ROBO2: variants seen among roughly 807,000 people sequenced by gnomAD.
ROBO2 encodes the protein roundabout guidance receptor 2.
Under a neutral mutation model 160.8 loss-of-function variants are expected in ROBO2, and 53 were observed. That is an observed-to-expected ratio of 0.33 (90% CI 0.26 to 0.41). The LOEUF is 0.41. Among genes scored for constraint, ROBO2 ranks in the 10% least tolerant of loss-of-function variants. The pLI, the probability that ROBO2 is intolerant of heterozygous loss-of-function variation, is 1.00. For synonymous variants in ROBO2, 664 were observed against 611.7 expected (o/e 1.09, Z -1.26); for missense variants, 1,577 against 1,722.4 (o/e 0.92, Z 1.49).
intron 2 of ROBO2, among the ~76,000 whole-genome samples, chr3:76,055,001 T>G (rs1174522622): frequency 6.6e-6 from 1 of 152,158 alleles, no homozygotes; most frequent in East Asian, 1.9e-4. Context: ...TACCCGAGAC[T>G]GGGTCATTTA....
intron 2 of ROBO2, among the ~76,000 whole-genome samples, chr3:76,338,436 G>A (rs1180983582): frequency 2.0e-5 from 3 of 152,070 alleles, no homozygotes; most frequent in Non-Finnish European, 2.9e-5. Context: ...CAGCATTTAG[G>A]GAGGTCAAGG....
At chr3:76,915,671 C>CAAAAAAAAAAAAAA (rs372827394) in intron 2 of ROBO2, among the ~76,000 whole-genome samples, 1 of 96,522 alleles carries the variant, frequency 1.0e-5, no homozygotes, top group Non-Finnish European at 2.1e-5. Flanking sequence ...CTCTCGCTCT[C>CAAAAAAAAAAAAAA]AAAAAAAAAA....
rs1207558402 is a variant in ROBO2 at position 77,337,044 on chromosome 3, A to G, written c.389-140370A>G. Among the ~76,000 whole-genome samples, 6 of 152,306 alleles carry G rather than the reference A, an allele frequency of 3.9e-5. No homozygotes were observed. The East Asian group carries it at 1.2e-3, about 29-fold the overall frequency. Reference sequence around the variant, plus strand: ...GAAAGAAGGAAAAACCATCTACAAGAGATGAAGTTTCATTGCAATTTTTAT... The same window carrying G: ...GAAAGAAGGAAAAACCATCTACAAGGGATGAAGTTTCATTGCAATTTTTAT... On this transcript the variant is annotated intron_variant, in intron 2 of 25. Coordinates refer to ENST00000461745, the Ensembl canonical transcript of ROBO2.
chr3:76,462,403 CAT>C (rs1365169965), intron 2 of ROBO2, among the ~76,000 whole-genome samples: 2 of 152,060 alleles, frequency 1.3e-5, no homozygotes, highest in East Asian at 1.9e-4. Context: ...CACACACACA[CAT>C]ACATGCAGGT....
chr3:76,182,191 A>C (rs551815374), intron 2 of ROBO2, among the ~76,000 whole-genome samples: 5 of 152,264 alleles, frequency 3.3e-5, no homozygotes, highest in African/African-American at 1.2e-4. Flanking sequence ...TCTGTAGTTC[A>C]TAACCAGTTT....
chr3:76,877,578 C>T (rs1453646125), intron 2 of ROBO2, among the ~76,000 whole-genome samples: 1 of 152,098 alleles, frequency 6.6e-6, no homozygotes, highest in Non-Finnish European at 1.5e-5. Context: ...TTGGTTTTGA[C>T]CACTCTGTTC....
At chr3:75,951,907 A>G (rs1948551898) in intron 2 of ROBO2, among the ~76,000 whole-genome samples, 2 of 151,992 alleles carry the variant, frequency 1.3e-5, no homozygotes, top group Non-Finnish European at 2.9e-5. Context: ...TATTGAAACA[A>G]TCTCTGTTTT....
chr3:76,487,876 C>A (rs2107470403), intron 2 of ROBO2, among the ~76,000 whole-genome samples: 1 of 152,334 alleles, frequency 6.6e-6, no homozygotes, highest in Non-Finnish European at 1.5e-5. Flanking sequence ...CCTTTCACAA[C>A]CTGGTAGCTC....
chr3:76,980,795 C>T (rs2060058808), intron 2 of ROBO2, among the ~76,000 whole-genome samples: 1 of 152,020 alleles, frequency 6.6e-6, no homozygotes, highest in Non-Finnish European at 1.5e-5. Flanking sequence ...CAATTGTAGA[C>T]CATTTTTATT....
chr3:76,949,490 T>C (rs1250169874), intron 2 of ROBO2, among the ~76,000 whole-genome samples: 2 of 152,074 alleles, frequency 1.3e-5, no homozygotes, highest in African/African-American at 2.4e-5. Context: ...TTTAAAAATA[T>C]GCAGAATTCA....
intron 2 of ROBO2, among the ~76,000 whole-genome samples, chr3:75,939,531 C>T (rs1947946428): frequency 6.6e-6 from 1 of 151,968 alleles, no homozygotes; most frequent in South Asian, 2.1e-4. Flanking sequence ...TGTTTTCTTT[C>T]TAAAAGGATA....
At chr3:77,310,761 A>G (rs1259669824) in intron 2 of ROBO2, among the ~76,000 whole-genome samples, 2 of 152,066 alleles carry the variant, frequency 1.3e-5, no homozygotes, top group Non-Finnish European at 2.9e-5. Flanking sequence ...CCTGTATTAT[A>G]AGACCCAGAT....
intron 2 of ROBO2, among the ~76,000 whole-genome samples, chr3:76,722,363 G>T (rs1016894462): frequency 6.6e-6 from 1 of 151,886 alleles, no homozygotes; most frequent in Non-Finnish European, 1.5e-5. Context: ...CTCATGATCC[G>T]CCCTTCTCAG....
chr3:77,236,219 A>G (rs1469397982), intron 2 of ROBO2, among the ~76,000 whole-genome samples: 1 of 152,220 alleles, frequency 6.6e-6, no homozygotes. Flanking sequence ...TGGCTGAAAG[A>G]GCTAAGCTAT....
At chr3:76,587,418 G>C (rs1248865008) in intron 2 of ROBO2, among the ~76,000 whole-genome samples, 1 of 152,120 alleles carries the variant, frequency 6.6e-6, no homozygotes, top group Non-Finnish European at 1.5e-5. Context: ...CAGTTCCACA[G>C]GCCTGGAGAG....
intron 2 of ROBO2, among the ~76,000 whole-genome samples, chr3:76,292,618 T>G (rs1708860193): frequency 6.6e-6 from 1 of 152,164 alleles, no homozygotes; most frequent in African/African-American, 2.4e-5. Flanking sequence ...AATATAAGTG[T>G]GGTGTTTAAA....
intron 2 of ROBO2, among the ~76,000 whole-genome samples, chr3:76,537,155 G>C (rs1482227257): frequency 6.6e-6 from 1 of 152,060 alleles, no homozygotes; most frequent in Non-Finnish European, 1.5e-5. Context: ...GGTTGGGGTA[G>C]AGACTGAAGA....
intron 2 of ROBO2, among the ~76,000 whole-genome samples, chr3:76,715,514 CTTG>C (rs1560432315): frequency 6.6e-6 from 1 of 152,228 alleles, no homozygotes; most frequent in East Asian, 1.9e-4. Flanking sequence ...TCCTTTTGTT[CTTG>C]TTGTATCACT....
intron 17 of ROBO2, among the ~76,000 whole-genome samples, chr3:77,590,411 ATACTT>A (rs1258689540): frequency 6.6e-6 from 1 of 152,108 alleles, no homozygotes; most frequent in African/African-American, 2.4e-5. Flanking sequence ...AAAATTAATG[ATACTT>A]TAATGTACCT....
Sources: gnomAD v4.1 joint callset for allele counts (sites outside exome capture counted in the v4.1 genomes callset) on GRCh38, gnomAD v4.1.1 for gene constraint, MANE v1.5 for transcripts, NCBI Gene and HGNC (gene_info 2026-07-23, HGNC 2026-07-21) for gene names.